MTAP: variants seen among roughly 807,000 people sequenced by gnomAD.
The protein encoded by MTAP is S-methyl-5'-thioadenosine phosphorylase.
A neutral mutation model predicts 33.6 loss-of-function variants in MTAP; 33 were observed. The observed-to-expected ratio is 0.98, with a 90% CI of 0.74 to 1.31. The LOEUF is 1.31. MTAP is among the 40% of genes most tolerant of loss of function. The probability of loss-of-function intolerance (pLI) is 0.00; values close to 1 mark genes in which losing one functional copy is unlikely to be tolerated. For missense variants in MTAP, 367 were observed against 360.0 expected (o/e 1.02, Z -0.16); for synonymous variants, 148 against 125.7 (o/e 1.18, Z -1.19).
intron 1 of MTAP, chr9:21,892,112 C>G (rs1262905839): frequency 6.6e-6 from 1 of 152,102 alleles, no homozygotes; most frequent in Admixed American, 6.6e-5. Context: ...CATACAAGTC[C>G]TAAAGGAAGT....
At chr9:21,901,345 A>G (rs1818389840) in intron 1 of MTAP, among the ~76,000 whole-genome samples, 2 of 152,220 alleles carry the variant, frequency 1.3e-5, no homozygotes, top group African/African-American at 4.8e-5. Context: ...TGAGCCTTTT[A>G]AATTTTTTTA....
intron 1 of MTAP, among the ~76,000 whole-genome samples, chr9:21,905,568 G>A (rs1818463405): frequency 6.6e-6 from 1 of 152,146 alleles, no homozygotes; most frequent in Non-Finnish European, 1.5e-5. Flanking sequence ...CACTACAGGA[G>A]GTTAGAAATG....
At chr9:21,878,339 A>G (rs753049569) in intron 1 of MTAP, among the ~76,000 whole-genome samples, 3 of 151,920 alleles carry the variant, frequency 2.0e-5, no homozygotes, top group Non-Finnish European at 4.4e-5. Flanking sequence ...ATGTTCTTTC[A>G]TGTCTCAATT....
intron 1 of MTAP, chr9:21,803,029 C>CACACACACACACACACACACAG (rs1824101965): frequency 9.6e-7 from 1 of 1,038,582 alleles, no homozygotes; most frequent in African/African-American, 1.8e-5. Context: ...CACACACACA[C>CACACACACACACACACACACAG]ACACACACCA....
chr9:21,939,381 A>G (rs940465398), downstream of MTAP, among the ~76,000 whole-genome samples: 2 of 152,154 alleles, frequency 1.3e-5, no homozygotes, highest in Admixed American at 6.5e-5. Flanking sequence ...AATTTTTCAG[A>G]TTTAACGTAA....
exon 8 of MTAP, chr9:21,937,053 G>T (rs529815272): frequency 5.9e-5 from 9 of 152,240 alleles, no homozygotes; most frequent in Non-Finnish European, 1.0e-4. Context: ...GTATTATAAG[G>T]TTTTAAAAAT....
At chr9:21,807,026 C>T (rs1347246616) in intron 1 of MTAP, among the ~76,000 whole-genome samples, 1 of 152,014 alleles carries the variant, frequency 6.6e-6, no homozygotes, top group Non-Finnish European at 1.5e-5. Flanking sequence ...TAGCCAGGCA[C>T]GGTGCTGCAC....
intron 5 of MTAP, among the ~76,000 whole-genome samples, chr9:21,840,848 G>C (rs1222525829): frequency 6.6e-6 from 1 of 152,182 alleles, no homozygotes; most frequent in Non-Finnish European, 1.5e-5. Flanking sequence ...GAGGTCCAAA[G>C]GCCATGCTTG....
At chr9:21,820,838 C>T (rs1292490162) in intron 4 of MTAP, among the ~76,000 whole-genome samples, 1 of 152,194 alleles carries the variant, frequency 6.6e-6, no homozygotes, top group African/African-American at 2.4e-5. Context: ...AGAGGTCCTT[C>T]ACAACCCTTG....
At chr9:21,924,634 C>G (rs1041145115) in intron 1 of MTAP, among the ~76,000 whole-genome samples, 5 of 152,286 alleles carry the variant, frequency 3.3e-5, no homozygotes, top group African/African-American at 9.6e-5. Flanking sequence ...TGGGTTTACC[C>G]AGGGCTCAAG....
chr9:21,916,118 AGGAG>A lies in MTAP; in HGVS notation c.148-14882_148-14879del, dbSNP rs1355406496. Among the ~76,000 whole-genome samples, 1,067 of 146,706 alleles carry A rather than the reference AGGAG, an allele frequency of 7.3e-3. 20 individuals carry two copies. The highest frequency in any genetic ancestry group is 0.02 in the African/African-American group (801 of 39,266). ...AAGGAAGGAAGGAAGGAAGGAAGGAAGGAGGGAGGGAAGGAAGGAAAATAACCTA... is the reference window on the plus strand; with the variant it reads ...AAGGAAGGAAGGAAGGAAGGAAGGAAGGAGGGAAGGAAGGAAAATAACCTA... On this transcript the variant is annotated intron_variant, in intron 1 of 1. Transcript: ENST00000577563.
chr9:21,815,589 T>TCAA, intron 2 of MTAP, 70 bp downstream of exon 2: 1 of 647,548 alleles, frequency 1.5e-6, no homozygotes, highest in East Asian at 3.8e-5. Context: ...GATTTTTGAA[T>TCAA]TAAAAAAAAA....
At chr9:21,936,043 G>C (rs1228787754), downstream of MTAP, 1 of 152,200 alleles carries the variant, frequency 6.6e-6, no homozygotes, top group Non-Finnish European at 1.5e-5. Flanking sequence ...TCTGAAAAAT[G>C]TTTTTATTTC....
chr9:21,924,217 G>T (rs547631787), intron 1 of MTAP, among the ~76,000 whole-genome samples: 1 of 152,174 alleles, frequency 6.6e-6, no homozygotes, highest in African/African-American at 2.4e-5. Context: ...GAAATAAAAG[G>T]AGATACCTTC....
chr9:21,899,963 A>G (rs1342532098), intron 1 of MTAP, among the ~76,000 whole-genome samples: 4 of 152,220 alleles, frequency 2.6e-5, no homozygotes, highest in Non-Finnish European at 5.9e-5. Flanking sequence ...GTGCTGGGAT[A>G]ACTGGCTAGC....
chr9:21,810,412 A>G (rs547800007), intron 1 of MTAP, among the ~76,000 whole-genome samples: 1 of 145,004 alleles, frequency 6.9e-6, no homozygotes, highest in East Asian at 2.0e-4. Flanking sequence ...GACGAGGGAG[A>G]TAGGAAAAGG....
At chr9:21,859,164 T>G (rs1018887368) in intron 6 of MTAP, 139 bp from the exon 7 acceptor site, 1 of 1,273,238 alleles carries the variant, frequency 7.9e-7, no homozygotes, top group Non-Finnish European at 1.1e-6. Flanking sequence ...ATACCCTACA[T>G]TGAGGATTCG....
chr9:21,900,779 A>G (rs183408627), intron 1 of MTAP, among the ~76,000 whole-genome samples: 126 of 152,362 alleles, frequency 8.3e-4, no homozygotes, highest in African/African-American at 1.7e-3. Context: ...ATGCCCATCA[A>G]CAGTGGACTG....
At position 21,905,579 on chromosome 9, in the gene MTAP, C is replaced by T. The variant is rs1290059716; in HGVS notation, c.148-25429C>T. On this transcript the variant is annotated intron_variant, in intron 1 of 1. Transcript: ENST00000577563. ...TTTTCACTACAGGAGGTTAGAAATG[C>T]TGGACAAAATGTAGCAAACACTGTG... Among the ~76,000 whole-genome samples the T allele has an allele frequency of 2.0e-5, 3 of 152,186 alleles. No homozygotes were observed. The East Asian group carries it at 5.8e-4, about 29-fold the overall frequency.
Sources: gnomAD v4.1 joint callset for allele counts (sites outside exome capture counted in the v4.1 genomes callset) on GRCh38, gnomAD v4.1.1 for gene constraint, MANE v1.5 for transcripts, NCBI Gene and HGNC (gene_info 2026-07-23, HGNC 2026-07-21) for gene names.